Variants in ZNF536 observed in about 807,000 individuals in gnomAD.
The protein encoded by ZNF536 is zinc finger protein 536.
ZNF536 carries 13 observed loss-of-function variants against 84.5 expected under a neutral mutation model. The ratio of observed to expected loss-of-function variants is 0.15; its 90% CI spans 0.10 to 0.24. The LOEUF is 0.24. Among genes scored for constraint, ZNF536 ranks in the 10% least tolerant of loss-of-function variants. The pLI is 1.00. For missense variants in ZNF536, 1,536 were observed against 1,747.5 expected (o/e 0.88, Z 2.16); for synonymous variants, 811 against 742.5 (o/e 1.09, Z -1.50).
intron 2 of ZNF536, among the ~76,000 whole-genome samples, chr19:30,513,547 A>AC (rs1300757696): frequency 6.6e-6 from 1 of 152,198 alleles, no homozygotes; most frequent in Non-Finnish European, 1.5e-5. Context: ...TAAAAATAAC[A>AC]TTTATTAAAT....
At position 30,443,899 on chromosome 19, in the gene ZNF536, A is replaced by C. The variant is rs2148159419; in HGVS notation, c.337A>C (p.Ile113Leu). The change falls in exon 2 of 5, where the codon ATC (isoleucine) becomes CTC (leucine). Residue 113 changes from isoleucine (I) to leucine (L), a missense_variant. Ile to Leu is a conservative substitution (Grantham distance 5). Around this residue, in one of 8 missense-constraint regions of ZNF536, gnomAD observed 161 missense variants for 178.5 expected, o/e 0.90. Transcript: ENST00000355537. Reference protein sequence around the residue: ...QQFLNGQNLGIMSQMSDIEDD... With the variant: ...QQFLNGQNLGLMSQMSDIEDD... The stretch of plus-strand genomic sequence containing the variant: ...GTTCCTCAACGGGCAGAACCTGGGC[A>C]TCATGTCCCAGATGAGCGACATCGA... 6.2e-7 allele frequency: 1 copy of C among 1,613,680 alleles called. No individual in the cohort carries two copies. The highest frequency in any genetic ancestry group is 8.5e-7 in the Non-Finnish European group (1 of 1,180,016).
At chr19:30,415,582 C>G (rs116953038) in intron 1 of ZNF536, among the ~76,000 whole-genome samples, 5 of 130,230 alleles carry the variant, frequency 3.8e-5, no homozygotes, top group Admixed American at 9.0e-5. Context: ...TCATGATCAT[C>G]ATCATCGTCA....
chr19:30,640,235 AGAGTG>A (rs1259693846), intron 1 of ZNF536, among the ~76,000 whole-genome samples: 4 of 2,838 alleles, frequency 1.4e-3, no homozygotes, highest in South Asian at 0.071. Context: ...CAACAGAGTG[AGAGTG>A]AGACCCTGTC....
rs770607077 is a variant in ZNF536 at position 30,534,858 on chromosome 19, G to A, written c.2182G>A (p.Glu728Lys). 3 of 1,612,374 alleles carry A rather than the reference G, an allele frequency of 1.9e-6. No homozygotes were observed. ...SSPSSSDIGEEAGRSAGVQQP... is the reference protein window; with the variant it reads ...SSPSSSDIGEKAGRSAGVQQP... Reference sequence around the variant, plus strand: ...CTCCTTCGCTGCAGACATTGGCGAGGAGGCTGGGAGATCTGCCGGCGTCCA... The same window carrying A: ...CTCCTTCGCTGCAGACATTGGCGAGAAGGCTGGGAGATCTGCCGGCGTCCA... The change falls in exon 3 of 5, where the codon GAG becomes AAG. Residue 728 changes from glutamate to lysine, a missense_variant. Physicochemically the swap from Glu to Lys is moderately conservative, Grantham distance 56 (BLOSUM62 1). Around this residue, in one of 8 missense-constraint regions of ZNF536, gnomAD observed 148 missense variants for 205.4 expected, o/e 0.72. Coordinates refer to ENST00000355537, the MANE Select transcript of ZNF536 (RefSeq NM_014717.3).
At chr19:30,357,302 A>G (rs1226700693) in intron 3 of ZNF536, among the ~76,000 whole-genome samples, 2 of 152,212 alleles carry the variant, frequency 1.3e-5, no homozygotes, top group South Asian at 2.1e-4. Context: ...TGGAGCAGAA[A>G]GAACAGCATG....
At chr19:30,296,618 G>T (rs1403445614) in intron 2 of ZNF536, among the ~76,000 whole-genome samples, 1 of 152,202 alleles carries the variant, frequency 6.6e-6, no homozygotes, top group East Asian at 1.9e-4. Flanking sequence ...TGGAAGGCTG[G>T]CTTGGACAGC....
At chr19:30,273,619 C>T (rs367844635) in intron 1 of ZNF536, among the ~76,000 whole-genome samples, 11 of 152,252 alleles carry the variant, frequency 7.2e-5, no homozygotes, top group East Asian at 1.9e-4. Context: ...AAGAGTTCTT[C>T]GCATATTTCA....
At chr19:30,628,518 C>T (rs12983654) in intron 1 of ZNF536, among the ~76,000 whole-genome samples, 72,052 of 149,502 alleles carry the variant, frequency 0.48, 17,603 homozygotes, top group Middle Eastern at 0.53. Context: ...AAGCTCCGCC[C>T]CCCGGGTTCA....
Position 30,443,741 on chromosome 19 carries a change from C to T in ZNF536, c.179C>T (p.Pro60Leu), listed in dbSNP as rs2148151287. ...LHPRPNPEEK[P>L]PASLEEKAHV... is the part of the protein sequence containing the mutation. ...CCCCGGCCCAACCCCGAGGAGAAGC[C>T]CCCCGCATCCCTGGAGGAGAAGGCC... Residue 60 changes from proline to leucine, a missense_variant, in exon 2 of 5, where the codon CCC becomes CTC. Physicochemically the swap from Pro to Leu is moderately conservative, Grantham distance 98. Coordinates refer to ENST00000355537, the MANE Select transcript of ZNF536 (RefSeq NM_014717.3). 1 of 1,612,946 alleles carries T rather than the reference C, an allele frequency of 6.2e-7. No homozygotes were observed. The highest frequency in any genetic ancestry group is 1.7e-5 in the Admixed American group (1 of 59,940).
chr19:30,254,831 G>A (rs1387595294), intron 1 of ZNF536, among the ~76,000 whole-genome samples: 1 of 152,198 alleles, frequency 6.6e-6, no homozygotes, highest in East Asian at 1.9e-4. Context: ...ATCATCAGCT[G>A]AGCCGAAAGC....
At chr19:30,232,595 CT>C (rs913129088) in intron 1 of ZNF536, among the ~76,000 whole-genome samples, 1 of 151,980 alleles carries the variant, frequency 6.6e-6, no homozygotes, top group African/African-American at 2.4e-5. Flanking sequence ...TTAAAAATCA[CT>C]GTAGATCTCT....
intron 4 of ZNF536, chr19:30,555,415 G>A (rs972123462): frequency 6.6e-6 from 1 of 152,198 alleles, no homozygotes; most frequent in Non-Finnish European, 1.5e-5. Context: ...AGAGAGGCAC[G>A]TTTCATTTCC....
intron 1 of ZNF536, among the ~76,000 whole-genome samples, chr19:30,585,461 C>T (rs941153666): frequency 3.3e-5 from 5 of 152,144 alleles, no homozygotes; most frequent in Admixed American, 6.5e-5. Context: ...TTGACAAGCT[C>T]GGCTATTGAT....
intron 1 of ZNF536, among the ~76,000 whole-genome samples, chr19:30,420,812 C>G (rs755573873): frequency 1.3e-5 from 2 of 152,132 alleles, no homozygotes; most frequent in Non-Finnish European, 2.9e-5. Flanking sequence ...AGGATCCAGC[C>G]TCAGAATTAT....
chr19:30,375,081 G>A (rs2048760098), intron 1 of ZNF536, among the ~76,000 whole-genome samples: 1 of 151,736 alleles, frequency 6.6e-6, no homozygotes, highest in African/African-American at 2.4e-5. Context: ...GACGGTGGGA[G>A]TAACAAAGGA....
intron 2 of ZNF536, among the ~76,000 whole-genome samples, chr19:30,294,189 G>A (rs7252516): frequency 0.23 from 34,322 of 151,908 alleles, 4,668 homozygotes; most frequent in East Asian, 0.53. Flanking sequence ...ACACAGAGGA[G>A]CTTGCTGCCC....
At chr19:30,446,812 AAACAAC>A (rs141206450) in intron 2 of ZNF536, among the ~76,000 whole-genome samples, 5 of 87,688 alleles carry the variant, frequency 5.7e-5, no homozygotes, top group East Asian at 4.7e-4. Context: ...AAAAAAACCA[AAACAAC>A]AACAACAACA....
chr19:30,393,989 G>A (rs1291632134), intron 1 of ZNF536, among the ~76,000 whole-genome samples: 1 of 152,134 alleles, frequency 6.6e-6, no homozygotes, highest in African/African-American at 2.4e-5. Context: ...GCTGCCTTTG[G>A]TCCAGAGATG....
chr19:30,232,864 A>AC (rs2023176841), intron 1 of ZNF536, among the ~76,000 whole-genome samples: 1 of 151,970 alleles, frequency 6.6e-6, no homozygotes, highest in African/African-American at 2.4e-5. Flanking sequence ...TGCCAGTAGC[A>AC]CCCCCCAGCT....
Sources: gnomAD v4.1 joint callset for allele counts (sites outside exome capture counted in the v4.1 genomes callset) on GRCh38, gnomAD v4.1.1 for gene constraint, gnomAD v4.1.1 regional missense constraint, MANE v1.5 for transcripts, NCBI Gene and HGNC (gene_info 2026-07-23, HGNC 2026-07-21) for gene names.